The following KITLG variants were observed in gnomAD, a reference collection of about 807,000 sequenced individuals.
The protein encoded by KITLG is c-Kit ligand.
Under a neutral mutation model 34.1 loss-of-function variants are expected in KITLG, and 13 were observed. The ratio of observed to expected loss-of-function variants is 0.38; its 90% confidence interval spans 0.25 to 0.61. The LOEUF is 0.61. KITLG is among the 20% of genes least tolerant of loss of function. KITLG has a pLI of 0.60. For synonymous variants in KITLG, 110 were observed against 104.0 expected (o/e 1.06, Z -0.35); for missense variants, 292 against 318.9 (o/e 0.92, Z 0.64).
intron 3 of KITLG, among the ~76,000 whole-genome samples, chr12:88,521,370 A>G (rs932779677): frequency 6.6e-6 from 1 of 152,134 alleles, no homozygotes; most frequent in Non-Finnish European, 1.5e-5. Flanking sequence ...TGAACTAAGT[A>G]TTTCATTTGT....
At chr12:88,533,896 C>A (rs1252922331) in intron 2 of KITLG, among the ~76,000 whole-genome samples, 1 of 152,124 alleles carries the variant, frequency 6.6e-6, no homozygotes, top group Non-Finnish European at 1.5e-5. Context: ...AGTAACTGAT[C>A]TCATGGTGCT....
intron 1 of KITLG, among the ~76,000 whole-genome samples, chr12:88,570,373 A>G (rs1775689910): frequency 1.3e-5 from 2 of 152,118 alleles, no homozygotes; most frequent in African/African-American, 2.4e-5. Context: ...AGTGTTGCTC[A>G]CATACAGCCA....
rs187765368 is a variant in KITLG, at chr12:88,557,600, C to T, written c.16-11735G>A. The stretch of plus-strand genomic sequence containing the variant: ...GTACTAGTTTAATTCTCAACTATCA[C>T]GTCTGGAAAACTAAAAACGCCATTT... On this transcript the variant is annotated intron_variant, in intron 1 of 9. Transcript: ENST00000644744. Among the ~76,000 whole-genome samples, 58 of 152,156 alleles carry T rather than the reference C, an allele frequency of 3.8e-4. 1 individual carries two copies. The highest frequency in any genetic ancestry group is 1.5e-3 in the South Asian group (7 of 4,814).
intron 1 of KITLG, among the ~76,000 whole-genome samples, chr12:88,566,669 G>A (rs994554835): frequency 5.3e-5 from 8 of 152,154 alleles, no homozygotes; most frequent in African/African-American, 9.7e-5. Flanking sequence ...CTTACCACTC[G>A]GGAGTGGTGG....
chr12:88,545,591 C>A (rs1360233135), intron 2 of KITLG, among the ~76,000 whole-genome samples, 161 bp downstream of exon 2: 1 of 152,186 alleles, frequency 6.6e-6, no homozygotes, highest in Non-Finnish European at 1.5e-5. Flanking sequence ...TATCTCACTA[C>A]CTGCTTTCTA....
intron 7 of KITLG, among the ~76,000 whole-genome samples, 193 bp downstream of exon 7, chr12:88,506,835 C>T (rs1442889929): frequency 1.3e-5 from 2 of 152,026 alleles, no homozygotes; most frequent in Non-Finnish European, 2.9e-5. Context: ...AATTCTTAAG[C>T]GTGAATTATC....
rs998486848 is a variant in KITLG at position 88,493,361 on chromosome 12, T to C, written c.*3858A>G. ...TCACAAATATCCATTTTAGCATGGATTATTTCTTGAAAAAAACACCTTGTT... is the reference window on the plus strand; with the variant it reads ...TCACAAATATCCATTTTAGCATGGACTATTTCTTGAAAAAAACACCTTGTT... On this transcript the variant is annotated 3_prime_UTR_variant, in exon 10 of 10. Coordinates refer to ENST00000644744, the MANE Select transcript of KITLG (RefSeq NM_000899.5). 3.3e-5 allele frequency: 5 copies of C among 152,276 alleles called. No individual in the cohort carries two copies. Among genetic ancestry groups the C allele is most frequent in the African/African-American group, 1.2e-4 (5 of 41,404 alleles). The allele number at this position is 152,276 out of a possible 1,614,324, so 9.4% of individuals were successfully genotyped here.
chr12:88,502,629 G>T (rs1377859888), intron 9 of KITLG, among the ~76,000 whole-genome samples: 1 of 152,184 alleles, frequency 6.6e-6, no homozygotes. Flanking sequence ...TTTGACTATG[G>T]TTGCTTTAAA....
chr12:88,532,885 T>C (rs1870151724), intron 2 of KITLG, among the ~76,000 whole-genome samples: 1 of 152,232 alleles, frequency 6.6e-6, no homozygotes, highest in East Asian at 1.9e-4. Flanking sequence ...TGTCAGTGGT[T>C]CTCAAAATGT....
intron 3 of KITLG, among the ~76,000 whole-genome samples, chr12:88,522,555 G>C (rs961822734): frequency 2.0e-5 from 3 of 151,634 alleles, no homozygotes; most frequent in African/African-American, 7.3e-5. Flanking sequence ...AGCCTCCTGA[G>C]TAGTTGGGAT....
chr12:88,519,009 C>T, intron 3 of KITLG, 142 bp from the exon 4 acceptor site: 1 of 732,726 alleles, frequency 1.4e-6, no homozygotes. Context: ...ATTACAAGTG[C>T]CTGCCACCAT....
At chr12:88,519,066 T>A (rs1869563838) in intron 3 of KITLG, among the ~76,000 whole-genome samples, 199 bp from the exon 4 acceptor site, 1 of 152,148 alleles carries the variant, frequency 6.6e-6, no homozygotes, top group Admixed American at 6.6e-5. Flanking sequence ...TTCACCATGT[T>A]GGCCAGGCTG....
chr12:88,522,305 G>A (rs913288161), intron 3 of KITLG, among the ~76,000 whole-genome samples: 48 of 152,152 alleles, frequency 3.2e-4, no homozygotes, highest in African/African-American at 1.2e-3. Flanking sequence ...AATCATCCTG[G>A]AGACTTGCTA....
intron 1 of KITLG, among the ~76,000 whole-genome samples, chr12:88,560,826 G>A (rs1043192862): frequency 6.6e-6 from 1 of 151,616 alleles, no homozygotes; most frequent in African/African-American, 2.4e-5. Context: ...AAATTAGCCG[G>A]GCATGGTGGC....
At chr12:88,505,271 T>G in intron 8 of KITLG, 36 bp from the exon 9 acceptor site, 1 of 1,527,668 alleles carries the variant, frequency 6.5e-7, no homozygotes, top group Non-Finnish European at 9.1e-7. Flanking sequence ...TATTTGCTCT[T>G]GGTCAGAGAT....
At chr12:88,508,069 C>G (rs1362970977) in intron 6 of KITLG, among the ~76,000 whole-genome samples, 1 of 152,028 alleles carries the variant, frequency 6.6e-6, no homozygotes, top group Non-Finnish European at 1.5e-5. Context: ...TGCCTGTAAT[C>G]CCGGCTACTA....
At chr12:88,541,816 T>TA (rs113259992) in intron 2 of KITLG, among the ~76,000 whole-genome samples, 16,197 of 151,294 alleles carry the variant, frequency 0.11, 917 homozygotes, top group African/African-American at 0.14. Flanking sequence ...AAGAAGAAAT[T>TA]AAAAAAAAAA....
rs1372683204 is a variant in KITLG at position 88,496,460 on chromosome 12, A to T, written c.*759T>A. On this transcript the variant is annotated 3_prime_UTR_variant, in exon 10 of 10. Transcript: ENST00000644744. Reference sequence around the variant, plus strand: ...ATGTCCTTCTTGGCAGACTGTTCTGATGTTCAGTGTTCTTAACTTCTTCCT... The same window carrying T: ...ATGTCCTTCTTGGCAGACTGTTCTGTTGTTCAGTGTTCTTAACTTCTTCCT... 3 of 152,132 alleles carry T rather than the reference A, an allele frequency of 2.0e-5. No homozygotes were observed. Among genetic ancestry groups the T allele is most frequent in the Non-Finnish European group, 4.4e-5 (3 of 68,034 alleles). 9.4% of individuals were successfully genotyped at this position (152,132 alleles called of 1,614,324 possible).
intron 3 of KITLG, among the ~76,000 whole-genome samples, chr12:88,528,411 T>C (rs1869958900): frequency 6.6e-6 from 1 of 152,178 alleles, no homozygotes; most frequent in Admixed American, 6.5e-5. Context: ...AAACAAGGCA[T>C]CTTTGGGAGT....
Sources: gnomAD v4.1 joint callset for allele counts (sites outside exome capture counted in the v4.1 genomes callset) on GRCh38, gnomAD v4.1.1 for gene constraint, MANE v1.5 for transcripts, NCBI Gene and HGNC (gene_info 2026-07-23, HGNC 2026-07-21) for gene names.